The following SV2C variants were observed in gnomAD, a reference collection of about 807,000 sequenced individuals.
SV2C encodes solute carrier family 22 member B3.
In SV2C, 49 loss-of-function variants were observed where a neutral mutation model predicts 79.7. The ratio of observed to expected loss-of-function variants is 0.61; its 90% CI spans 0.49 to 0.78. The LOEUF is 0.78. Ranked by LOEUF, SV2C falls within the 30% of genes least tolerant of loss-of-function variation. The pLI is 0.00. For synonymous variants in SV2C, 334 were observed against 333.2 expected, an observed-to-expected ratio of 1.00 and a Z score of -0.03; for missense variants, 833 against 912.9, an observed-to-expected ratio of 0.91 and a Z score of 1.13.
At chr5:76,155,881 AC>A (rs2112238702) in intron 2 of SV2C, among the ~76,000 whole-genome samples, 1 of 144,732 alleles carries the variant, frequency 6.9e-6, no homozygotes, top group South Asian at 2.2e-4. Flanking sequence ...TCAGTATCTT[AC>A]CAAAGGAGCT....
chr5:76,291,454 T>C (rs2112505654), intron 7 of SV2C, 123 bp downstream of exon 7: 1 of 709,960 alleles, frequency 1.4e-6, no homozygotes, highest in South Asian at 2.1e-5. Flanking sequence ...GACACCTGAC[T>C]CCTGGACTAG....
intron 12 of SV2C, among the ~76,000 whole-genome samples, chr5:76,344,870 C>A (rs182722436): frequency 4.6e-5 from 7 of 152,136 alleles, no homozygotes; most frequent in Admixed American, 4.6e-4. Context: ...ATATTATTAT[C>A]CTCATTGCAT....
At chr5:75,932,746 A>G in the SV2C span, among the ~76,000 whole-genome samples, 5 of 152,094 alleles carry the variant, frequency 3.3e-5, no homozygotes, top group Admixed American at 6.5e-5. Flanking sequence ...TAAACCAACA[A>G]CTTCTAGAAG....
chr5:76,003,970 G>A, the SV2C span, among the ~76,000 whole-genome samples: 1 of 152,010 alleles, frequency 6.6e-6, no homozygotes, highest in Non-Finnish European at 1.5e-5. Context: ...GGAGCAAAGG[G>A]TGGAGATGGA....
chr5:76,266,470 A>G (rs1007882765), intron 4 of SV2C, among the ~76,000 whole-genome samples: 2 of 152,200 alleles, frequency 1.3e-5, no homozygotes, highest in African/African-American at 2.4e-5. Flanking sequence ...AGCCTCCCAA[A>G]GTGCTGGGTT....
the SV2C span, among the ~76,000 whole-genome samples, chr5:76,051,335 A>G: frequency 6.6e-6 from 1 of 151,660 alleles, no homozygotes; most frequent in Non-Finnish European, 1.5e-5. Flanking sequence ...TAGATGAGAG[A>G]CTAAATTAGT....
At chr5:76,301,966 A>G (rs1433429304) in intron 12 of SV2C, among the ~76,000 whole-genome samples, 5 of 151,732 alleles carry the variant, frequency 3.3e-5, no homozygotes, top group African/African-American at 1.2e-4. Flanking sequence ...GTAAAAATCC[A>G]AAAATATCTG....
the SV2C span, among the ~76,000 whole-genome samples, chr5:75,889,765 A>T: frequency 6.6e-6 from 1 of 152,270 alleles, no homozygotes; most frequent in Non-Finnish European, 1.5e-5. Flanking sequence ...CACTGAATGG[A>T]TAAATGCTTT....
intron 4 of SV2C, among the ~76,000 whole-genome samples, chr5:76,212,638 G>A (rs1430973665): frequency 2.0e-5 from 3 of 151,846 alleles, no homozygotes; most frequent in Admixed American, 6.6e-5. Context: ...CCATCATATC[G>A]CTCAGAATTT....
chr5:76,347,823 T>A (rs1457406377), intron 12 of SV2C, among the ~76,000 whole-genome samples: 2 of 152,118 alleles, frequency 1.3e-5, no homozygotes, highest in East Asian at 3.8e-4. Flanking sequence ...TACAGAGAGT[T>A]CCCAAATATC....
the SV2C span, among the ~76,000 whole-genome samples, chr5:75,949,073 A>G: frequency 6.6e-6 from 1 of 151,718 alleles, no homozygotes; most frequent in Non-Finnish European, 1.5e-5. Context: ...AGTTCTCCTG[A>G]GAATCGATCC....
chr5:75,955,193 A>G, the SV2C span, among the ~76,000 whole-genome samples: 4 of 151,826 alleles, frequency 2.6e-5, no homozygotes, highest in African/African-American at 4.9e-5. Flanking sequence ...GTGCCAATAC[A>G]GAGATATAGA....
At chr5:76,067,219 A>G in the SV2C span, among the ~76,000 whole-genome samples, 3 of 150,970 alleles carry the variant, frequency 2.0e-5, no homozygotes, top group Admixed American at 2.0e-4. Context: ...TTTGCAATTT[A>G]TTTTCTTTGT....
intron 4 of SV2C, among the ~76,000 whole-genome samples, chr5:76,235,164 T>C (rs1745572636): frequency 7.6e-6 from 1 of 131,466 alleles, no homozygotes; most frequent in South Asian, 2.6e-4. Context: ...GGGAGAATTA[T>C]CCATGGAGAA....
chr5:75,914,495 C>T, the SV2C span, among the ~76,000 whole-genome samples: 5 of 152,114 alleles, frequency 3.3e-5, no homozygotes, highest in Non-Finnish European at 7.4e-5. Flanking sequence ...GAAGCATGGC[C>T]TCCTGATGTG....
the SV2C span, chr5:75,921,335 T>G: frequency 8.9e-7 from 1 of 1,119,548 alleles, no homozygotes; most frequent in Non-Finnish European, 1.4e-6. Flanking sequence ...GGAGCTCACA[T>G]CCACATGCTG....
the SV2C span, among the ~76,000 whole-genome samples, chr5:75,973,574 A>T: frequency 6.6e-6 from 1 of 152,006 alleles, no homozygotes; most frequent in Non-Finnish European, 1.5e-5. Flanking sequence ...CAATTGAAAG[A>T]TAGACGAGGG....
chr5:76,020,819 T>C, the SV2C span, among the ~76,000 whole-genome samples: 7 of 152,192 alleles, frequency 4.6e-5, no homozygotes, highest in East Asian at 1.2e-3. Flanking sequence ...GTGTGCTTTT[T>C]CCACCCTCTC....
chr5:76,046,811 C>T, the SV2C span, among the ~76,000 whole-genome samples: 1 of 152,230 alleles, frequency 6.6e-6, no homozygotes, highest in Non-Finnish European at 1.5e-5. Flanking sequence ...GCAGTAACTC[C>T]TCAGGTCTTA....
Sources: gnomAD v4.1 joint callset for allele counts (sites outside exome capture counted in the v4.1 genomes callset) on GRCh38, gnomAD v4.1.1 for gene constraint, MANE v1.5 for transcripts, NCBI Gene and HGNC (gene_info 2026-07-23, HGNC 2026-07-21) for gene names.